Variants in GRAMD2B observed in about 807,000 individuals in gnomAD.
The protein encoded by GRAMD2B is GRAM domain containing 2B.
GRAMD2B carries 41 observed loss-of-function variants against 59.2 expected under a neutral mutation model. The ratio of observed to expected loss-of-function variants is 0.69; its 90% CI spans 0.54 to 0.90. The LOEUF is 0.90. Ranked by LOEUF, GRAMD2B falls within the 40% of genes least tolerant of loss-of-function variation. GRAMD2B has a pLI of 0.00. For synonymous variants in GRAMD2B, 161 were observed against 182.7 expected (o/e 0.88, Z 0.96); for missense variants, 424 against 500.5 (o/e 0.85, Z 1.46).
At chr5:126,474,591 A>T (rs1019993004) in intron 5 of GRAMD2B, among the ~76,000 whole-genome samples, 2 of 152,166 alleles carry the variant, frequency 1.3e-5, no homozygotes, top group Non-Finnish European at 2.9e-5. Context: ...AGTACTGATC[A>T]ATGTGATATA....
At chr5:126,468,187 C>A (rs573363358) in intron 2 of GRAMD2B, among the ~76,000 whole-genome samples, 3 of 152,132 alleles carry the variant, frequency 2.0e-5, no homozygotes, top group Non-Finnish European at 2.9e-5. Flanking sequence ...TGCGTTTAGC[C>A]GTAGGGTTGA....
At chr5:126,440,833 G>T (rs1763162207) in intron 1 of GRAMD2B, among the ~76,000 whole-genome samples, 1 of 152,086 alleles carries the variant, frequency 6.6e-6, no homozygotes, top group African/African-American at 2.4e-5. Context: ...TAACACAATG[G>T]TATATTTTAT....
At chr5:126,391,048 T>C (rs1223554246) in intron 1 of GRAMD2B, among the ~76,000 whole-genome samples, 2 of 152,132 alleles carry the variant, frequency 1.3e-5, no homozygotes, top group South Asian at 2.1e-4. Context: ...CTCCTAATGT[T>C]AGTGGGATGA....
At chr5:126,451,741 A>G (rs1765413959) in intron 1 of GRAMD2B, among the ~76,000 whole-genome samples, 1 of 152,168 alleles carries the variant, frequency 6.6e-6, no homozygotes, top group African/African-American at 2.4e-5. Context: ...TCCAAATCTC[A>G]TGTTCCAGTG....
intron 8 of GRAMD2B, 148 bp from the exon 9 acceptor site, chr5:126,483,315 G>T (rs951539414): frequency 1.4e-5 from 6 of 433,742 alleles, no homozygotes; most frequent in Non-Finnish European, 2.4e-5. Context: ...TCAGTCATCT[G>T]TTGGGAAAAT....
intron 1 of GRAMD2B, among the ~76,000 whole-genome samples, chr5:126,427,557 G>T (rs781375816): frequency 1.3e-5 from 2 of 152,220 alleles, no homozygotes; most frequent in Non-Finnish European, 2.9e-5. Context: ...TGTAGGAAAA[G>T]GATAGATGTG....
At chr5:126,484,361 A>G (rs2126935571) in intron 9 of GRAMD2B, 41 bp from the exon 10 acceptor site, 2 of 1,599,488 alleles carry the variant, frequency 1.3e-6, no homozygotes, top group Non-Finnish European at 1.7e-6. Context: ...TTTTAAATAC[A>G]TTGGAGAGAA....
intron 1 of GRAMD2B, among the ~76,000 whole-genome samples, chr5:126,365,608 C>A (rs1470232278): frequency 6.6e-6 from 1 of 152,156 alleles, no homozygotes; most frequent in Non-Finnish European, 1.5e-5. Context: ...AGGCTCAATT[C>A]CCAAAGTCAC....
upstream of GRAMD2B, among the ~76,000 whole-genome samples, chr5:126,420,054 C>CAAAAAAAAA (rs386404926): frequency 9.6e-6 from 1 of 103,646 alleles, no homozygotes; most frequent in East Asian, 2.7e-4. Context: ...GACTCTTTCT[C>CAAAAAAAAA]AAAAAAAAAA....
chr5:126,365,293 T>C (rs1216616858), intron 1 of GRAMD2B, among the ~76,000 whole-genome samples: 1 of 152,066 alleles, frequency 6.6e-6, no homozygotes, highest in Non-Finnish European at 1.5e-5. Flanking sequence ...ATGTATCCCT[T>C]AGGCCAGTAA....
rs183743413 is a variant in GRAMD2B at position 126,451,772 on chromosome 5, G to A, written c.84-13654G>A. Among the ~76,000 whole-genome samples, 18 of 152,298 alleles carry A rather than the reference G, an allele frequency of 1.2e-4. 2 individuals are homozygous for A. The highest frequency in any genetic ancestry group is 3.9e-4 in the African/African-American group (16 of 41,556). On this transcript the variant is annotated intron_variant, in intron 1 of 13. Transcript: ENST00000285689. ...CAGTGTGATTCCCAGTGTCAGAGGC[G>A]GGACCTGGTAGAAGATGATTGGATC...
chr5:126,427,500 TAA>T (rs1199036578), intron 1 of GRAMD2B, among the ~76,000 whole-genome samples: 1 of 152,128 alleles, frequency 6.6e-6, no homozygotes, highest in Non-Finnish European at 1.5e-5. Context: ...TGAACTTTAA[TAA>T]CTTGAGGTGT....
intron 2 of GRAMD2B, among the ~76,000 whole-genome samples, chr5:126,469,316 A>C (rs1398868422): frequency 6.6e-6 from 1 of 152,222 alleles, no homozygotes; most frequent in Non-Finnish European, 1.5e-5. Context: ...ATAGTATAAT[A>C]ATCAAGATTT....
At chr5:126,392,692 ATTC>A (rs780579060) in intron 1 of GRAMD2B, among the ~76,000 whole-genome samples, 47 of 150,396 alleles carry the variant, frequency 3.1e-4, no homozygotes, top group Non-Finnish European at 5.5e-4. Flanking sequence ...TTTTAAAATT[ATTC>A]TTCTTTCATG....
At chr5:126,444,699 A>G (rs1049409900) in intron 1 of GRAMD2B, among the ~76,000 whole-genome samples, 1 of 152,094 alleles carries the variant, frequency 6.6e-6, no homozygotes. Context: ...TCTCCTCTTC[A>G]ACTTTTATTT....
At chr5:126,366,867 CT>C (rs1754463104), upstream of GRAMD2B, among the ~76,000 whole-genome samples, 1 of 82,292 alleles carries the variant, frequency 1.2e-5, no homozygotes, top group Non-Finnish European at 2.5e-5. Flanking sequence ...TTTTTTTTTT[CT>C]TTTTGAGATG....
intron 1 of GRAMD2B, among the ~76,000 whole-genome samples, chr5:126,461,581 CTT>C (rs1767372529): frequency 6.6e-6 from 1 of 152,158 alleles, no homozygotes; most frequent in African/African-American, 2.4e-5. Flanking sequence ...AGGTGGATCA[CTT>C]GAGGCCAGGA....
chr5:126,366,445 A>C (rs959657055), upstream of GRAMD2B, among the ~76,000 whole-genome samples: 1 of 152,226 alleles, frequency 6.6e-6, no homozygotes, highest in Admixed American at 6.5e-5. Context: ...ACATGAGTGA[A>C]AGTATGACCA....
chr5:126,383,803 T>G (rs7705792), intron 1 of GRAMD2B, among the ~76,000 whole-genome samples: 266 of 152,276 alleles, frequency 1.7e-3, no homozygotes, highest in African/African-American at 5.8e-3. Flanking sequence ...GTCATTTAAT[T>G]CCATTTCTTT....
Sources: allele counts gnomAD v4.1 joint callset (sites outside exome capture counted in the v4.1 genomes callset), GRCh38; gene constraint gnomAD v4.1.1; transcripts MANE v1.5; gene names NCBI Gene and HGNC (gene_info 2026-07-23, HGNC 2026-07-21).